Variants in AUTS2 observed in about 807,000 individuals in gnomAD.
The protein encoded by AUTS2 is autism susceptibility gene 2 protein.
In AUTS2, 17 loss-of-function variants were observed where a neutral mutation model predicts 112.4. That is an observed-to-expected ratio of 0.15 (90% confidence interval 0.10 to 0.23). The LOEUF (loss-of-function observed/expected upper bound fraction) is 0.23. Among genes scored for constraint, AUTS2 ranks in the 10% least tolerant of loss-of-function variants. AUTS2 has a pLI of 1.00. For missense variants in AUTS2, 1,510 were observed against 1,701.6 expected (o/e 0.89, Z 1.98); for synonymous variants, 751 against 702.7 (o/e 1.07, Z -1.09).
At chr7:69,984,573 C>CA (rs1324761147) in intron 2 of AUTS2, among the ~76,000 whole-genome samples, 1 of 151,988 alleles carries the variant, frequency 6.6e-6, no homozygotes, top group Non-Finnish European at 1.5e-5. Flanking sequence ...ATATTAGCTT[C>CA]AAGAAATGTT....
intron 4 of AUTS2, among the ~76,000 whole-genome samples, chr7:70,289,958 T>A (rs1213172100): frequency 6.6e-6 from 1 of 152,226 alleles, no homozygotes; most frequent in Non-Finnish European, 1.5e-5. Flanking sequence ...TTATATGTGA[T>A]CCCACAGAAT....
chr7:69,718,415 A>G (rs948735750), intron 1 of AUTS2, among the ~76,000 whole-genome samples: 1 of 152,150 alleles, frequency 6.6e-6, no homozygotes, highest in Non-Finnish European at 1.5e-5. Flanking sequence ...GACAAATTCT[A>G]TGACCTCATC....
intron 5 of AUTS2, among the ~76,000 whole-genome samples, chr7:70,454,193 C>T (rs1399220250): frequency 6.6e-6 from 1 of 152,154 alleles, no homozygotes; most frequent in Non-Finnish European, 1.5e-5. Flanking sequence ...GAATGGGGGT[C>T]TCTCTTTTTT....
At chr7:70,152,958 C>A (rs937815443) in intron 4 of AUTS2, among the ~76,000 whole-genome samples, 1 of 152,110 alleles carries the variant, frequency 6.6e-6, no homozygotes, top group African/African-American at 2.4e-5. Context: ...CTCTTTAGAT[C>A]ATGTAAATCT....
chr7:70,606,426 A>C (rs1803767655), intron 5 of AUTS2, among the ~76,000 whole-genome samples: 2 of 152,224 alleles, frequency 1.3e-5, no homozygotes, highest in Non-Finnish European at 2.9e-5. Context: ...TCATTCATGC[A>C]TTTGGTCAAT....
intron 4 of AUTS2, among the ~76,000 whole-genome samples, chr7:70,360,076 A>T (rs1215355941): frequency 2.0e-5 from 3 of 152,182 alleles, no homozygotes; most frequent in African/African-American, 7.2e-5. Flanking sequence ...TGTAAATGAG[A>T]CGCTTTACTT....
intron 2 of AUTS2, among the ~76,000 whole-genome samples, chr7:70,022,716 G>A (rs1800330875): frequency 6.6e-6 from 1 of 152,052 alleles, no homozygotes; most frequent in Non-Finnish European, 1.5e-5. Context: ...AGAGGTCTGG[G>A]AAGTGGCATT....
chr7:70,430,826 GC>G (rs1437901310), intron 4 of AUTS2, among the ~76,000 whole-genome samples: 4 of 139,312 alleles, frequency 2.9e-5, no homozygotes, highest in East Asian at 2.1e-4. Flanking sequence ...TTGCAGTGTC[GC>G]CTTTTTTTTT....
intron 3 of AUTS2, among the ~76,000 whole-genome samples, chr7:70,127,386 A>G (rs1806034603): frequency 6.6e-6 from 1 of 152,000 alleles, no homozygotes; most frequent in African/African-American, 2.4e-5. Flanking sequence ...CACCCTCCTC[A>G]GCCCCCTCCC....
chr7:70,549,674 A>C (rs1416322986), intron 5 of AUTS2, among the ~76,000 whole-genome samples: 3 of 152,214 alleles, frequency 2.0e-5, no homozygotes, highest in African/African-American at 7.2e-5. Flanking sequence ...CCTGGGCAAC[A>C]GAGTAAGATC....
chr7:70,628,928 G>T (rs564397333), intron 5 of AUTS2, among the ~76,000 whole-genome samples: 3 of 152,078 alleles, frequency 2.0e-5, no homozygotes, highest in Non-Finnish European at 4.4e-5. Flanking sequence ...GCAGACATTG[G>T]GGGGAAGTGG....
At chr7:70,089,449 C>G (rs1171412785) in intron 2 of AUTS2, among the ~76,000 whole-genome samples, 1 of 151,832 alleles carries the variant, frequency 6.6e-6, no homozygotes, top group Non-Finnish European at 1.5e-5. Context: ...TTGATAGTGT[C>G]TTTTTTCATT....
intron 5 of AUTS2, among the ~76,000 whole-genome samples, chr7:70,445,221 A>G (rs1796274048): frequency 6.6e-6 from 1 of 152,172 alleles, no homozygotes; most frequent in African/African-American, 2.4e-5. Flanking sequence ...AAGAAAAATG[A>G]GGCATAAGTG....
At chr7:69,612,408 G>A (rs1793091244) in intron 1 of AUTS2, among the ~76,000 whole-genome samples, 1 of 151,914 alleles carries the variant, frequency 6.6e-6, no homozygotes, top group African/African-American at 2.4e-5. Context: ...TGGGAGTTAA[G>A]ACTAGAACCT....
intron 1 of AUTS2, among the ~76,000 whole-genome samples, chr7:69,809,538 C>T (rs1334627678): frequency 2.0e-5 from 3 of 152,142 alleles, no homozygotes; most frequent in South Asian, 4.1e-4. Flanking sequence ...TACCCAATTC[C>T]CTTCCCACCC....
intron 6 of AUTS2, among the ~76,000 whole-genome samples, chr7:70,715,736 T>C (rs1810330527): frequency 6.6e-6 from 1 of 152,080 alleles, no homozygotes; most frequent in Non-Finnish European, 1.5e-5. Flanking sequence ...TTCACCATGT[T>C]AGCCAGGCTG....
intron 4 of AUTS2, among the ~76,000 whole-genome samples, chr7:70,318,021 T>C (rs939881623): frequency 2.0e-5 from 3 of 152,186 alleles, no homozygotes; most frequent in Admixed American, 6.5e-5. Flanking sequence ...AAACCTGTGG[T>C]GTCGGTTGGA....
chr7:70,693,856 G>T (rs572419352), intron 5 of AUTS2, among the ~76,000 whole-genome samples: 1 of 152,126 alleles, frequency 6.6e-6, no homozygotes, highest in Non-Finnish European at 1.5e-5. Context: ...AAGGCAGCCG[G>T]GGGGAGCCGA....
At chr7:70,592,753 T>TATA (rs1344197066) in intron 5 of AUTS2, among the ~76,000 whole-genome samples, 1 of 152,222 alleles carries the variant, frequency 6.6e-6, no homozygotes, top group Non-Finnish European at 1.5e-5. Context: ...CACAGAGTGC[T>TATA]TTGTATACAA....
Sources: gnomAD v4.1 joint callset for allele counts (sites outside exome capture counted in the v4.1 genomes callset) on GRCh38, gnomAD v4.1.1 for gene constraint, MANE v1.5 for transcripts, NCBI Gene and HGNC (gene_info 2026-07-23, HGNC 2026-07-21) for gene names.